Variants in NXPE1 observed in about 807,000 individuals in gnomAD.
NXPE1 encodes the protein NXPE family member 1.
Under a neutral mutation model 33.3 loss-of-function variants are expected in NXPE1, and 31 were observed. The ratio of observed to expected loss-of-function variants is 0.93; its 90% CI spans 0.70 to 1.26. The LOEUF (loss-of-function observed/expected upper bound fraction) is 1.26, where lower values mean the gene tolerates loss of function less well. Among genes scored for constraint, NXPE1 ranks in the 50% most tolerant of loss-of-function variants. The probability of loss-of-function intolerance (pLI) is 0.00; values close to 1 mark genes in which losing one functional copy is unlikely to be tolerated. For synonymous variants in NXPE1, 229 were observed against 231.4 expected, an observed-to-expected ratio of 0.99 and a Z score of 0.09; for missense variants, 661 against 655.6, an observed-to-expected ratio of 1.01 and a Z score of -0.09.
intron 5 of NXPE1, among the ~76,000 whole-genome samples, chr11:114,545,665 T>G (rs2135077229): frequency 6.6e-6 from 1 of 152,148 alleles, no homozygotes. Context: ...AAAAGCTCAT[T>G]GAATCTTATA....
At chr11:114,533,418 G>C (rs1196234841) in intron 5 of NXPE1, among the ~76,000 whole-genome samples, 1 of 152,188 alleles carries the variant, frequency 6.6e-6, no homozygotes, top group Non-Finnish European at 1.5e-5. Context: ...TCATCTCATG[G>C]GGAGTGCCGG....
At chr11:114,536,628 C>T (rs925811852) in intron 5 of NXPE1, among the ~76,000 whole-genome samples, 7 of 152,306 alleles carry the variant, frequency 4.6e-5, no homozygotes, top group East Asian at 1.9e-4. Context: ...GAAATACAAA[C>T]TACCATCAGA....
intron 7 of NXPE1, among the ~76,000 whole-genome samples, chr11:114,523,618 G>A (rs947260577): frequency 1.3e-5 from 2 of 152,130 alleles, no homozygotes; most frequent in African/African-American, 4.8e-5. Context: ...TTTGCTAAAA[G>A]CAACATGCAA....
chr11:114,558,312 T>TTTA lies in NXPE1; in HGVS notation c.-211+1483_-211+1485dup, dbSNP rs1290558014. ...GGCTGATGTGTAGAAATGCAAGTGC[T>TTTA]TTATTTTAATAGTGCTTTTATATAG... is the stretch of plus-strand genomic sequence containing the variant. On this transcript the variant is annotated intron_variant, in intron 1 of 8. Transcript: ENST00000534921. Among the ~76,000 whole-genome samples the TTTA allele has an allele frequency of 2.5e-4, 38 of 152,308 alleles. 1 individual carries two copies. The East Asian group carries it at 6.5e-3, about 26-fold the overall frequency.
chr11:114,538,295 C>T (rs1028109772), intron 5 of NXPE1, among the ~76,000 whole-genome samples: 49 of 152,214 alleles, frequency 3.2e-4, no homozygotes, highest in African/African-American at 1.2e-3. Context: ...GGATTAAAGA[C>T]TTACATGTTT....
chr11:114,535,994 A>G (rs890269529), intron 5 of NXPE1, among the ~76,000 whole-genome samples: 2 of 152,194 alleles, frequency 1.3e-5, no homozygotes, highest in Non-Finnish European at 2.9e-5. Flanking sequence ...TTTCAGCACC[A>G]CACCAAACCT....
intron 1 of NXPE1, among the ~76,000 whole-genome samples, chr11:114,557,630 A>AATAT (rs1407586305): frequency 3.9e-5 from 3 of 76,996 alleles, no homozygotes; most frequent in Non-Finnish European, 7.6e-5. Flanking sequence ...TATTATATAT[A>AATAT]ATACATATAT....
At chr11:114,538,123 C>T (rs1415531092) in intron 5 of NXPE1, among the ~76,000 whole-genome samples, 1 of 151,756 alleles carries the variant, frequency 6.6e-6, no homozygotes, top group African/African-American at 2.4e-5. Flanking sequence ...GAAATAATGC[C>T]ACATATCTAC....
At chr11:114,544,668 A>T (rs2135071173) in intron 5 of NXPE1, among the ~76,000 whole-genome samples, 1 of 152,298 alleles carries the variant, frequency 6.6e-6, no homozygotes, top group East Asian at 1.9e-4. Flanking sequence ...GCTGTTGATG[A>T]GGTTTTAGAA....
chr11:114,535,578 A>T (rs1268310932), intron 5 of NXPE1, among the ~76,000 whole-genome samples: 1 of 152,208 alleles, frequency 6.6e-6, no homozygotes, highest in Non-Finnish European at 1.5e-5. Flanking sequence ...AAATAAAGGG[A>T]TGGAGGAAGA....
intron 1 of NXPE1, among the ~76,000 whole-genome samples, chr11:114,557,723 C>T (rs959761069): frequency 1.4e-5 from 2 of 142,632 alleles, no homozygotes; most frequent in Admixed American, 7.2e-5. Flanking sequence ...CTTTTTCATT[C>T]TTCTTTGCCG....
chr11:114,533,034 T>C (rs1947642574), intron 5 of NXPE1, among the ~76,000 whole-genome samples: 1 of 152,220 alleles, frequency 6.6e-6, no homozygotes, highest in South Asian at 2.1e-4. Flanking sequence ...GCAAGGATGT[T>C]AGCCACAATT....
exon 8 of NXPE1, chr11:114,522,982 T>C: frequency 6.2e-7 from 1 of 1,613,752 alleles, no homozygotes; most frequent in Non-Finnish European, 8.5e-7. Context: ...TAATTGTGTC[T>C]AACTGAACCT....
intron 7 of NXPE1, among the ~76,000 whole-genome samples, chr11:114,525,568 T>C (rs938644825): frequency 2.6e-5 from 4 of 151,884 alleles, no homozygotes; most frequent in Non-Finnish European, 5.9e-5. Context: ...GCTTCCCCCT[T>C]CCCCCCTTAC....
At chr11:114,552,744 C>T (rs1948538741) in intron 2 of NXPE1, 108 bp downstream of exon 2, 1 of 261,440 alleles carries the variant, frequency 3.8e-6, no homozygotes, top group Non-Finnish European at 5.9e-6. Flanking sequence ...TATGTTTCAG[C>T]AGCATTGAAA....
intron 5 of NXPE1, among the ~76,000 whole-genome samples, chr11:114,545,276 C>A (rs1387525852): frequency 6.6e-6 from 1 of 152,192 alleles, no homozygotes; most frequent in Non-Finnish European, 1.5e-5. Flanking sequence ...ATGTTTATAG[C>A]AGCTTTGATC....
At chr11:114,530,116 GCT>G in intron 6 of NXPE1, 57 bp downstream of exon 6, 1 of 1,502,930 alleles carries the variant, frequency 6.7e-7, no homozygotes, top group Non-Finnish European at 8.9e-7. Context: ...GGGCAATGTA[GCT>G]CTGACTGGGG....
At chr11:114,523,914 A>G (rs1180620408) in intron 7 of NXPE1, among the ~76,000 whole-genome samples, 3 of 152,240 alleles carry the variant, frequency 2.0e-5, no homozygotes, top group African/African-American at 7.2e-5. Flanking sequence ...TGAATGCTGT[A>G]AGAAAGACCA....
At chr11:114,532,611 G>A (rs1947624507) in intron 5 of NXPE1, among the ~76,000 whole-genome samples, 1 of 151,970 alleles carries the variant, frequency 6.6e-6, no homozygotes, top group Non-Finnish European at 1.5e-5. Context: ...TTATAAGAAT[G>A]GAATATATTT....
Sources: allele counts gnomAD v4.1 joint callset (sites outside exome capture counted in the v4.1 genomes callset), GRCh38; gene constraint gnomAD v4.1.1; transcripts MANE v1.5; gene names NCBI Gene and HGNC (gene_info 2026-07-23, HGNC 2026-07-21).